Variants in ETV2 observed in about 807,000 individuals in gnomAD.
ETV2 encodes the protein ETS variant transcription factor 2.
ETV2 carries 34 observed loss-of-function variants against 35.7 expected under a neutral mutation model. The observed-to-expected ratio is 0.95, with a 90% CI of 0.72 to 1.27. The LOEUF is 1.27. ETV2 is among the 50% of genes most tolerant of loss of function. The pLI is 0.00. For missense variants in ETV2, 512 were observed against 470.5 expected (o/e 1.09, Z -0.82); for synonymous variants, 207 against 203.9 (o/e 1.02, Z -0.13).
At position 35,644,047 on chromosome 19, in the gene ETV2, T is replaced by TA. The variant is rs888117332; in HGVS notation, c.716-185dup. On this transcript the variant is annotated intron_variant, in intron 5 of 6. Coordinates refer to ENST00000402764, the MANE Select transcript of ETV2 (RefSeq NM_014209.4). The surrounding 1 kb of genome is among the most constrained non-coding windows in gnomAD (Gnocchi z 4.7). The stretch of plus-strand genomic sequence containing the variant: ...CTCCGAGATGGGGAGGCCAAACTCC[T>TA]AAATCTCTGAGACTGGGGCCCTGGA... Among the ~76,000 whole-genome samples, 1 of 152,076 alleles carries TA rather than the reference T, an allele frequency of 6.6e-6. No homozygotes were observed. Among genetic ancestry groups the TA allele is most frequent in the African/African-American group, 2.4e-5 (1 of 41,438 alleles).
In ETV2 at chr19:35,644,636, C is replaced by T. The variant is rs754958225; in HGVS notation, c.829-16C>T. ...CCCGCCCCTTCCCACTCCGACCGAGCGGGCCTCTGTCCTAGGTGGCTCGGC... is the reference window on the plus strand; with the variant it reads ...CCCGCCCCTTCCCACTCCGACCGAGTGGGCCTCTGTCCTAGGTGGCTCGGC... On this transcript the variant is annotated splice_polypyrimidine_tract_variant and intron_variant, in intron 6 of 6. Coordinates refer to ENST00000402764, the MANE Select transcript of ETV2 (RefSeq NM_014209.4). This position sits in a 1 kb window ranked among gnomAD's most constrained non-coding sequence, Gnocchi z 4.7. 2 of 1,600,760 alleles carry T rather than the reference C, an allele frequency of 1.2e-6. No individual in the cohort carries two copies. Among genetic ancestry groups the T allele is most frequent in the South Asian group, 1.1e-5 (1 of 89,396 alleles).
Position 35,643,825 on chromosome 19 carries a change from G to A in ETV2, c.715+72G>A, listed in dbSNP as rs1967692679. On this transcript the variant is annotated intron_variant, in intron 5 of 6. Coordinates refer to ENST00000402764, the MANE Select transcript of ETV2 (RefSeq NM_014209.4). The surrounding 1 kb of genome is among the most constrained non-coding windows in gnomAD (Gnocchi z 5.0). Reference sequence around the variant, plus strand: ...AGCCGGGACCCAGGCACCTAAGGGGGCGGGGCCCGGGAGACTGACAGTGAG... The same window carrying A: ...AGCCGGGACCCAGGCACCTAAGGGGACGGGGCCCGGGAGACTGACAGTGAG... 34 of 1,594,798 alleles carry A rather than the reference G, an allele frequency of 2.1e-5. No individual in the cohort carries two copies. The highest frequency in any genetic ancestry group is 2.8e-5 in the Non-Finnish European group (33 of 1,173,776).
rs145198089 is a variant in ETV2 at position 35,643,763 on chromosome 19, C to A, written c.715+10C>A. The A allele has an allele frequency of 6.2e-7, 1 of 1,613,040 alleles. No homozygotes were observed. The highest frequency in any genetic ancestry group is 8.5e-7 in the Non-Finnish European group (1 of 1,179,712). ...AAAACTAACCACCGAGGTGAGAGGG[C>A]CGCAAAGACTGCGGGGAGGGCGAAG... On this transcript the variant is annotated intron_variant, in intron 5 of 6. Coordinates refer to ENST00000402764, the MANE Select transcript of ETV2 (RefSeq NM_014209.4). This position sits in a 1 kb window ranked among gnomAD's most constrained non-coding sequence, Gnocchi z 5.0.
Position 35,643,488 on chromosome 19 carries a change from C to G in ETV2, c.450C>G (p.Ser150Arg). 6.5e-7 allele frequency: 1 copy of G among 1,548,698 alleles called. No individual in the cohort carries two copies. Among genetic ancestry groups the G allele is most frequent in the Non-Finnish European group, 8.7e-7 (1 of 1,146,230 alleles). The stretch of plus-strand genomic sequence containing the variant: ...GGTCGCGCGCCCAGGCCGCCGGGAG[C>G]AACACCAGCTGGGACTGTTCTGTGG... ...TSWSRAQAAG[S>R]NTSWDCSVGP... Residue 150 changes from serine to arginine, a missense_variant, in exon 5 of 7, where the codon AGC becomes AGG. Transcript: ENST00000402764. This position sits in a 1 kb window ranked among gnomAD's most constrained non-coding sequence, Gnocchi z 5.0.
Position 35,643,736 on chromosome 19 carries a change from C to T in ETV2, c.698C>T (p.Pro233Leu). The T allele has an allele frequency of 6.2e-7, 1 of 1,613,660 alleles. No homozygotes were observed. Among genetic ancestry groups the T allele is most frequent in the Non-Finnish European group, 8.5e-7 (1 of 1,179,798 alleles). ...QSDRASLARC[P>L]KTNHRGPIQL... ...GACCGTGCCAGTTTGGCTCGATGCCCCAAAACTAACCACCGAGGTGAGAGG... is the reference window on the plus strand; with the variant it reads ...GACCGTGCCAGTTTGGCTCGATGCCTCAAAACTAACCACCGAGGTGAGAGG... Residue 233 changes from proline (P) to leucine (L), a missense_variant, in exon 5 of 7, where the codon CCC becomes CTC. Pro to Leu is a moderately conservative substitution (Grantham distance 98, BLOSUM62 -3). Transcript: ENST00000402764. The surrounding 1 kb of genome is among the most constrained non-coding windows in gnomAD (Gnocchi z 5.0).
In ETV2 at chr19:35,643,179, G is replaced by A; in HGVS notation, c.236-95G>A. 1 of 1,498,406 alleles carries A rather than the reference G, an allele frequency of 6.7e-7. No homozygotes were observed. The highest frequency in any genetic ancestry group is 9.0e-7 in the Non-Finnish European group (1 of 1,116,312). The allele number at this position is 1,498,406 out of a possible 1,614,324, so 92.8% of individuals were successfully genotyped here. A position where few individuals can be genotyped will look rare whatever the true frequency, so the allele number is the denominator to read the frequency against. On this transcript the variant is annotated intron_variant, in intron 4 of 6. Coordinates refer to ENST00000402764, the MANE Select transcript of ETV2 (RefSeq NM_014209.4). This position sits in a 1 kb window ranked among gnomAD's most constrained non-coding sequence, Gnocchi z 5.0. ...GGTGGCATGACCTGGATCCGGGTCA[G>A]CCGGGCCCCAAGTGCCAGGGTTGAG...
At position 35,643,275 on chromosome 19, in the gene ETV2, G is replaced by T. The variant is rs1181541350; in HGVS notation, c.237G>T (p.Glu79Asp). Reference protein sequence around the residue: ...LLHPEVPWGAEPDSQALPWSG... With the variant: ...LLHPEVPWGADPDSQALPWSG... ...CTCGGGATCCGTTACTCCTCACAGA[G>T]CCCGACTCTCAGGCTCTTCCGTGGT... Residue 79 changes from glutamate (E) to aspartate (D), a missense_variant and splice_region_variant, in exon 5 of 7, where the codon GAG becomes GAT. Glu to Asp is a conservative substitution (Grantham distance 45, BLOSUM62 2). Transcript: ENST00000402764. This position sits in a 1 kb window ranked among gnomAD's most constrained non-coding sequence, Gnocchi z 5.0. The T allele has an allele frequency of 1.3e-6, 2 of 1,594,810 alleles. No individual in the cohort carries two copies. The highest frequency in any genetic ancestry group is 1.3e-5 in the African/African-American group (1 of 74,804).
rs1568338629 is a variant in ETV2 at position 35,643,214 on chromosome 19, C to G, written c.236-60C>G. The G allele has an allele frequency of 1.9e-6, 3 of 1,543,914 alleles. No homozygotes were observed. The highest frequency in any genetic ancestry group is 2.6e-6 in the Non-Finnish European group (3 of 1,148,730). On this transcript the variant is annotated intron_variant, in intron 4 of 6. Transcript: ENST00000402764. The surrounding 1 kb of genome is among the most constrained non-coding windows in gnomAD (Gnocchi z 5.0). ...AAGTGCCAGGGTTGAGAGCTTAGAC[C>G]CTAGAGTTTTTGAGGGGGCACCTGG... is the stretch of plus-strand genomic sequence containing the variant.
Position 35,642,451 on chromosome 19 carries a change from C to G in ETV2, c.-10C>G. The G allele has an allele frequency of 6.4e-7, 1 of 1,564,698 alleles. No individual in the cohort carries two copies. Among genetic ancestry groups the G allele is most frequent in the South Asian group, 1.2e-5 (1 of 86,046 alleles). On this transcript the variant is annotated 5_prime_UTR_variant, in exon 2 of 7. An upstream open reading frame in the 5' UTR gains an earlier in-frame stop. Coordinates refer to ENST00000402764, the MANE Select transcript of ETV2 (RefSeq NM_014209.4). The surrounding 1 kb of genome is among the most constrained non-coding windows in gnomAD (Gnocchi z 4.4). ...CGACCCAGAACATTCAGAAGGCCTT[C>G]ATCGCATCCATGGACCTGTGGAACT...
Position 35,642,774 on chromosome 19 carries a change from G to C in ETV2, c.154+76G>C. 1 of 1,266,754 alleles carries C rather than the reference G, an allele frequency of 7.9e-7. No homozygotes were observed. The highest frequency in any genetic ancestry group is 1.1e-6 in the Non-Finnish European group (1 of 895,204). The allele number at this position is 1,266,754 out of a possible 1,614,324, so 78.5% of individuals were successfully genotyped here. Reference sequence around the variant, plus strand: ...GGATCCTAGGGCAAAGGGAGGAGGGGGGCGTGCCTAGGTTCCTGGGACTGG... The same window carrying C: ...GGATCCTAGGGCAAAGGGAGGAGGGCGGCGTGCCTAGGTTCCTGGGACTGG... On this transcript the variant is annotated intron_variant, in intron 3 of 6. Transcript: ENST00000402764. The surrounding 1 kb of genome is among the most constrained non-coding windows in gnomAD (Gnocchi z 4.4).
rs1006397314 is a variant in ETV2 at position 35,644,051 on chromosome 19, T to C, written c.716-184T>C. ...GAGATGGGGAGGCCAAACTCCTAAATCTCTGAGACTGGGGCCCTGGACGCT... is the reference window on the plus strand; with the variant it reads ...GAGATGGGGAGGCCAAACTCCTAAACCTCTGAGACTGGGGCCCTGGACGCT... On this transcript the variant is annotated intron_variant, in intron 5 of 6. Transcript: ENST00000402764. The surrounding 1 kb of genome is among the most constrained non-coding windows in gnomAD (Gnocchi z 4.7). 4.6e-5 allele frequency among the ~76,000 whole-genome samples: 7 copies of C among 152,006 alleles called. No individual in the cohort carries two copies. The highest frequency in any genetic ancestry group is 1.7e-4 in the African/African-American group (7 of 41,380).
Position 35,644,718 on chromosome 19 carries a change from C to G in ETV2, c.895C>G (p.Leu299Val). The G allele has an allele frequency of 1.9e-6, 3 of 1,606,044 alleles. No homozygotes were observed. The highest frequency in any genetic ancestry group is 2.2e-5 in the South Asian group (2 of 89,934). Residue 299 changes from leucine (L) to valine (V), a missense_variant, in exon 7 of 7, where the codon CTT becomes GTT. By Grantham distance (32) the Leu-to-Val change is conservative (BLOSUM62 1). Coordinates refer to ENST00000402764, the MANE Select transcript of ETV2 (RefSeq NM_014209.4). The surrounding 1 kb of genome is among the most constrained non-coding windows in gnomAD (Gnocchi z 4.7). ...GMNYEKLSRG[L>V]RYYYRRDIVR... is the part of the protein sequence containing the mutation. The stretch of plus-strand genomic sequence containing the variant: ...GAATTACGAGAAGCTGAGCCGGGGC[C>G]TTCGCTACTACTATCGCCGCGACAT...
At position 35,643,618 on chromosome 19, in the gene ETV2, T is replaced by C; in HGVS notation, c.580T>C (p.Trp194Arg). Reference sequence around the variant, plus strand: ...CGCGGGCCCGGACTGTACCACCTCCTGGAACCCGGGGCTGCATGCGGGTGG... The same window carrying C: ...CGCGGGCCCGGACTGTACCACCTCCCGGAACCCGGGGCTGCATGCGGGTGG... ...GPAGPDCTTS[W>R]NPGLHAGGTT... is the part of the protein sequence containing the mutation. Residue 194 changes from tryptophan (W) to arginine (R), a missense_variant, in exon 5 of 7, where the codon TGG (tryptophan) becomes CGG (arginine). Physicochemically the swap from Trp to Arg is moderately radical, Grantham distance 101 (BLOSUM62 -3). Coordinates refer to ENST00000402764, the MANE Select transcript of ETV2 (RefSeq NM_014209.4). The surrounding 1 kb of genome is among the most constrained non-coding windows in gnomAD (Gnocchi z 5.0). The C allele has an allele frequency of 6.2e-7, 1 of 1,611,758 alleles. No individual in the cohort carries two copies. The highest frequency in any genetic ancestry group is 1.1e-5 in the South Asian group (1 of 90,876).
In ETV2 at chr19:35,644,582, A is replaced by G; in HGVS notation, c.829-70A>G. On this transcript the variant is annotated intron_variant, in intron 6 of 6. Coordinates refer to ENST00000402764, the MANE Select transcript of ETV2 (RefSeq NM_014209.4). The surrounding 1 kb of genome is among the most constrained non-coding windows in gnomAD (Gnocchi z 4.7). ...CAGGTCTGCACTGCACACCGCCCCC[A>G]GGCCCGGCCCTCCCCACTATCGCCA... 2.1e-6 allele frequency: 3 copies of G among 1,449,250 alleles called. No homozygotes were observed. The highest frequency in any genetic ancestry group is 1.4e-5 in the African/African-American group (1 of 70,984). The allele number at this position is 1,449,250 out of a possible 1,614,324, so 89.8% of individuals were successfully genotyped here. A position where few individuals can be genotyped will look rare whatever the true frequency, so the allele number is the denominator to read the frequency against.
At position 35,642,851 on chromosome 19, in the gene ETV2, G is replaced by C. The variant is rs533941122; in HGVS notation, c.155-114G>C. On this transcript the variant is annotated intron_variant, in intron 3 of 6. Coordinates refer to ENST00000402764, the MANE Select transcript of ETV2 (RefSeq NM_014209.4). This position sits in a 1 kb window ranked among gnomAD's most constrained non-coding sequence, Gnocchi z 4.4. ...CTGAGGGTGAAGGAAAAGGGGGCGCGGGGTGCTGAAATACGGGCTGGGGGG... is the reference window on the plus strand; with the variant it reads ...CTGAGGGTGAAGGAAAAGGGGGCGCCGGGTGCTGAAATACGGGCTGGGGGG... The C allele has an allele frequency of 3.1e-6, 3 of 969,788 alleles. No homozygotes were observed. In the South Asian group the frequency reaches 4.2e-5, roughly 14 times the overall value. 60.1% of individuals were successfully genotyped at this position (969,788 alleles called of 1,614,324 possible).
At position 35,643,142 on chromosome 19, in the gene ETV2, C is replaced by A; in HGVS notation, c.235+97C>A. 7.1e-7 allele frequency: 1 copy of A among 1,403,374 alleles called. No individual in the cohort carries two copies. Among genetic ancestry groups the A allele is most frequent in the Non-Finnish European group, 9.7e-7 (1 of 1,028,706 alleles). The allele number at this position is 1,403,374 out of a possible 1,614,324, so 86.9% of individuals were successfully genotyped here. On this transcript the variant is annotated intron_variant, in intron 4 of 6. Transcript: ENST00000402764. The surrounding 1 kb of genome is among the most constrained non-coding windows in gnomAD (Gnocchi z 5.0). The stretch of plus-strand genomic sequence containing the variant: ...CCTGATCTTTGAGGACTGAGAACAC[C>A]TGCGCCCTCAAGGTGGCATGACCTG...
At position 35,642,741 on chromosome 19, in the gene ETV2, G is replaced by A. The variant is rs1457804959; in HGVS notation, c.154+43G>A. On this transcript the variant is annotated intron_variant, in intron 3 of 6. Transcript: ENST00000402764. This position sits in a 1 kb window ranked among gnomAD's most constrained non-coding sequence, Gnocchi z 4.4. Reference sequence around the variant, plus strand: ...CCCCTAAGTGCTGGAGAAGAAGCGGGGAGGCTGGGATCCTAGGGCAAAGGG... The same window carrying A: ...CCCCTAAGTGCTGGAGAAGAAGCGGAGAGGCTGGGATCCTAGGGCAAAGGG... 1.4e-6 allele frequency: 2 copies of A among 1,477,666 alleles called. No homozygotes were observed. The highest frequency in any genetic ancestry group is 1.9e-6 in the Non-Finnish European group (2 of 1,080,092). 91.5% of individuals were successfully genotyped at this position (1,477,666 alleles called of 1,614,324 possible).
Position 35,644,417 on chromosome 19 carries a change from C to T in ETV2, c.828+70C>T. On this transcript the variant is annotated intron_variant, in intron 6 of 6. Coordinates refer to ENST00000402764, the MANE Select transcript of ETV2 (RefSeq NM_014209.4). The surrounding 1 kb of genome is among the most constrained non-coding windows in gnomAD (Gnocchi z 4.7). ...AGTTCAATTTAGCTCCGCCCAAGGG[C>T]TAGGTTCAACCGCGTAGCCCTCGGC... 8.8e-7 allele frequency: 1 copy of T among 1,132,254 alleles called. No homozygotes were observed. Among genetic ancestry groups the T allele is most frequent in the Non-Finnish European group, 1.3e-6 (1 of 776,570 alleles). 70.1% of individuals were successfully genotyped at this position (1,132,254 alleles called of 1,614,324 possible). A position where few individuals can be genotyped will look rare whatever the true frequency, so the allele number is the denominator to read the frequency against.
At position 35,643,355 on chromosome 19, in the gene ETV2, C is replaced by T. The variant is rs777828394; in HGVS notation, c.317C>T (p.Ser106Leu). The change falls in exon 5 of 7, where the codon TCG (serine) becomes TTG (leucine). Residue 106 changes from serine to leucine, a missense_variant. By Grantham distance (145) the Ser-to-Leu change is moderately radical. Transcript: ENST00000402764. This position sits in a 1 kb window ranked among gnomAD's most constrained non-coding sequence, Gnocchi z 5.0. ...CTAWDSWSGA[S>L]QTLGPAPLGP... ...GCCTGGGACTCTTGGAGCGGCGCCT[C>T]GCAGACCCTGGGCCCCGCCCCTCTC... 4.8e-5 allele frequency: 76 copies of T among 1,586,676 alleles called. 1 individual carries two copies. In the Middle Eastern group the frequency reaches 1.0e-3, roughly 21 times the overall value.
Sources: allele counts gnomAD v4.1 joint callset (sites outside exome capture counted in the v4.1 genomes callset), GRCh38; gene constraint gnomAD v4.1.1; non-coding constraint Gnocchi (gnomAD v3.1); transcripts MANE v1.5; gene names NCBI Gene and HGNC (gene_info 2026-07-23, HGNC 2026-07-21).